Variants in ITGA8 observed in about 807,000 individuals in gnomAD.
The protein encoded by ITGA8 is integrin alpha-8.
A neutral mutation model predicts 142.3 loss-of-function variants in ITGA8; 91 were observed. The ratio of observed to expected loss-of-function variants is 0.64; its 90% CI spans 0.54 to 0.76. ITGA8 has a LOEUF of 0.76. Ranked by LOEUF, ITGA8 falls within the 30% of genes least tolerant of loss-of-function variation. The pLI is 0.00. For missense variants in ITGA8, 1,406 were observed against 1,327.7 expected (o/e 1.06, Z -0.92); for synonymous variants, 505 against 485.2 (o/e 1.04, Z -0.54).
At chr10:15,554,291 C>G (rs566687909) in intron 26 of ITGA8, among the ~76,000 whole-genome samples, 1 of 152,244 alleles carries the variant, frequency 6.6e-6, no homozygotes, top group Admixed American at 6.5e-5. Context: ...CGACCGGGAC[C>G]CCCTGATGAA....
intron 26 of ITGA8, among the ~76,000 whole-genome samples, chr10:15,549,980 A>C (rs1305737429): frequency 6.6e-6 from 1 of 152,092 alleles, no homozygotes. Context: ...TTGTTTGGCT[A>C]TGTCCCCACC....
intron 26 of ITGA8, among the ~76,000 whole-genome samples, chr10:15,549,462 C>T (rs539178702): frequency 1.6e-4 from 25 of 152,244 alleles, no homozygotes; most frequent in Non-Finnish European, 2.8e-4. Flanking sequence ...CCACCCGCCT[C>T]GGCCTCCCAA....
chr10:15,644,422 C>G, intron 12 of ITGA8, among the ~76,000 whole-genome samples: 1 of 113,068 alleles, frequency 8.8e-6, no homozygotes, highest in East Asian at 2.7e-4. Context: ...TGCATACCAC[C>G]ATGTCAGGCT....
chr10:15,690,928 G>T (rs146661090), intron 2 of ITGA8, among the ~76,000 whole-genome samples: 2 of 152,118 alleles, frequency 1.3e-5, no homozygotes, highest in East Asian at 3.9e-4. Flanking sequence ...ATGAATGGGA[G>T]AAAATATTTG....
chr10:15,663,226 C>T (rs1229292575), intron 8 of ITGA8, among the ~76,000 whole-genome samples: 2 of 152,084 alleles, frequency 1.3e-5, no homozygotes, highest in Non-Finnish European at 2.9e-5. Flanking sequence ...GAGCTGATTG[C>T]GATGTTCCTT....
intron 9 of ITGA8, among the ~76,000 whole-genome samples, chr10:15,659,709 A>G (rs1489836120): frequency 1.3e-5 from 2 of 152,228 alleles, no homozygotes; most frequent in African/African-American, 4.8e-5. Context: ...AGATGAAACC[A>G]TCCGGGTAGG....
At chr10:15,682,048 C>T (rs771862340) in intron 4 of ITGA8, among the ~76,000 whole-genome samples, 11 of 152,110 alleles carry the variant, frequency 7.2e-5, no homozygotes, top group East Asian at 1.9e-4. Flanking sequence ...TGCCTGAGTC[C>T]GGGAAGTTTC....
In ITGA8 at chr10:15,660,820, A is replaced by G. The variant is rs1718952949; in HGVS notation, c.891+59T>C. On this transcript the variant is annotated intron_variant, in intron 9 of 29. Transcript: ENST00000378076. ...GATGGGTTTATTCAGATGTAATTCC[A>G]TCAAGGAGCACCTATACAAGAAAAT... is the stretch of plus-strand genomic sequence containing the variant. The G allele has an allele frequency of 3.6e-5, 49 of 1,349,704 alleles. No homozygotes were observed. The South Asian group carries it at 5.3e-4, about 15-fold the overall frequency. The allele number at this position is 1,349,704 out of a possible 1,614,324, so 83.6% of individuals were successfully genotyped here.
intron 11 of ITGA8, among the ~76,000 whole-genome samples, chr10:15,651,228 G>A (rs1834079619): frequency 6.6e-6 from 1 of 151,920 alleles, no homozygotes; most frequent in Non-Finnish European, 1.5e-5. Flanking sequence ...GTTTAGGCAC[G>A]AGATGAAAAA....
At position 15,584,302 on chromosome 10, in the gene ITGA8, AAAAG is replaced by A. The variant is rs1429873159; in HGVS notation, c.2372+2278_2372+2281del. Among the ~76,000 whole-genome samples the A allele has an allele frequency of 2.2e-4, 24 of 110,046 alleles. No homozygotes were observed. The South Asian group carries it at 2.3e-3, about 11-fold the overall frequency. The allele number at this position is 110,046 out of a possible 152,430, so 72.2% of individuals were successfully genotyped here. ...ATGCAGCGAGACTGTCAAGAAAAAG[AAAAG>A]AAAAGAAAAGAAAAGAAATATGTGC... On this transcript the variant is annotated intron_variant, in intron 23 of 29. Transcript: ENST00000378076.
chr10:15,646,109 T>A (rs1422246954), intron 12 of ITGA8, among the ~76,000 whole-genome samples: 1 of 152,182 alleles, frequency 6.6e-6, no homozygotes, highest in Non-Finnish European at 1.5e-5. Context: ...ACATCAATTT[T>A]AAAAATAATT....
At chr10:15,602,392 T>C (rs2131605816) in intron 20 of ITGA8, among the ~76,000 whole-genome samples, 1 of 152,320 alleles carries the variant, frequency 6.6e-6, no homozygotes, top group African/African-American at 2.4e-5. Flanking sequence ...TTATTCTTAT[T>C]TATTTTTATC....
intron 2 of ITGA8, among the ~76,000 whole-genome samples, chr10:15,692,262 AC>A (rs1418780772): frequency 1.3e-5 from 2 of 152,044 alleles, no homozygotes; most frequent in Admixed American, 6.5e-5. Flanking sequence ...TAAAAAAAAA[AC>A]TTGAGCACCA....
chr10:15,563,910 G>T (rs1412465095), intron 25 of ITGA8, among the ~76,000 whole-genome samples: 3 of 140,226 alleles, frequency 2.1e-5, no homozygotes, highest in Non-Finnish European at 1.5e-5. Flanking sequence ...ACAGAGTGAG[G>T]CTGTCTCCAA....
intron 2 of ITGA8, among the ~76,000 whole-genome samples, chr10:15,712,615 AAAATAAAAAAT>A (rs1835382534): frequency 2.0e-5 from 3 of 152,196 alleles, no homozygotes; most frequent in Admixed American, 2.0e-4. Flanking sequence ...AAATAAAAAT[AAAATAAAAAAT>A]AAAAAAGTCC....
Position 15,558,199 on chromosome 10 carries a change from C to T in ITGA8, c.2641G>A (p.Ala881Thr). The change falls in exon 26 of 30, where the codon GCT (alanine) becomes ACT (threonine). Residue 881 changes from alanine (A) to threonine (T), a missense_variant. Transcript: ENST00000378076. ...TCAGGGGTGTCCTCTGGGGAGGCAG[C>T]AGGCTGCAAAAAGAAAGTGGGAGAT... Reference protein sequence around the residue: ...PNINPQDIKPAASPEDTPELS... With the variant: ...PNINPQDIKPTASPEDTPELS... 1 of 1,613,672 alleles carries T rather than the reference C, an allele frequency of 6.2e-7. No homozygotes were observed. The highest frequency in any genetic ancestry group is 1.7e-4 in the Middle Eastern group (1 of 6,054).
intron 2 of ITGA8, among the ~76,000 whole-genome samples, chr10:15,715,049 G>T (rs2131742573): frequency 6.6e-6 from 1 of 152,226 alleles, no homozygotes; most frequent in Non-Finnish European, 1.5e-5. Context: ...CCATTATGCG[G>T]ATGTCAATTT....
chr10:15,665,598 A>G (rs913250704), intron 8 of ITGA8, among the ~76,000 whole-genome samples: 12 of 152,280 alleles, frequency 7.9e-5, no homozygotes, highest in African/African-American at 2.6e-4. Flanking sequence ...GCCCATGCCT[A>G]TGTCCTGGAT....
At chr10:15,640,849 G>C (rs1330025014) in intron 13 of ITGA8, among the ~76,000 whole-genome samples, 1 of 152,144 alleles carries the variant, frequency 6.6e-6, no homozygotes, top group East Asian at 1.9e-4. Flanking sequence ...GGGAAATTTT[G>C]AGCAGAGGTC....
Sources: gnomAD v4.1 joint callset for allele counts (sites outside exome capture counted in the v4.1 genomes callset) on GRCh38, gnomAD v4.1.1 for gene constraint, MANE v1.5 for transcripts, NCBI Gene and HGNC (gene_info 2026-07-23, HGNC 2026-07-21) for gene names.